The following ANKRD30B variants were observed in gnomAD, a reference collection of about 807,000 sequenced individuals.
ANKRD30B encodes ankyrin repeat domain-containing protein 30B.
Under a neutral mutation model 202.2 loss-of-function variants are expected in ANKRD30B, and 144 were observed. The ratio of observed to expected loss-of-function variants is 0.71; its 90% CI spans 0.62 to 0.82. The LOEUF (loss-of-function observed/expected upper bound fraction) is 0.82. Among genes scored for constraint, ANKRD30B ranks in the 40% least tolerant of loss-of-function variants. The probability of loss-of-function intolerance (pLI) is 0.00; values close to 1 mark genes in which losing one functional copy is unlikely to be tolerated. For missense variants in ANKRD30B, 1,487 were observed against 1,669.1 expected, an observed-to-expected ratio of 0.89 and a Z score of 1.90; for synonymous variants, 508 against 561.3, an observed-to-expected ratio of 0.91 and a Z score of 1.34.
At chr18:14,883,327 C>G in the ANKRD30B span, among the ~76,000 whole-genome samples, 2 of 149,350 alleles carry the variant, frequency 1.3e-5, no homozygotes, top group Non-Finnish European at 3.0e-5. Context: ...GTGTCTCTCT[C>G]TCTCTCTGTC....
intron 1 of ANKRD30B, among the ~76,000 whole-genome samples, chr18:14,750,880 G>A (rs1224241442): frequency 6.6e-6 from 1 of 151,944 alleles, no homozygotes; most frequent in African/African-American, 2.4e-5. Flanking sequence ...GATAACATTT[G>A]CTATTTGAGG....
At chr18:14,897,889 A>G in the ANKRD30B span, among the ~76,000 whole-genome samples, 1 of 152,254 alleles carries the variant, frequency 6.6e-6, no homozygotes, top group East Asian at 1.9e-4. Context: ...TAATCTCTTT[A>G]TTGGCGTTCT....
the ANKRD30B span, among the ~76,000 whole-genome samples, chr18:14,874,840 G>C: frequency 3.3e-5 from 5 of 152,198 alleles, no homozygotes; most frequent in Admixed American, 3.3e-4. Context: ...CAAATGCAGA[G>C]TCCTGAGCCC....
intron 15 of ANKRD30B, among the ~76,000 whole-genome samples, chr18:14,788,620 C>T (rs1359750123): frequency 2.0e-5 from 3 of 152,000 alleles, no homozygotes; most frequent in Non-Finnish European, 4.4e-5. Context: ...GTTCAATTCC[C>T]ACCTATGAGT....
At chr18:14,925,443 C>G in the ANKRD30B span, among the ~76,000 whole-genome samples, 1 of 152,228 alleles carries the variant, frequency 6.6e-6, no homozygotes, top group Non-Finnish European at 1.5e-5. Flanking sequence ...ACATTCGGCT[C>G]TGGGAGAGTG....
rs1427479328 is a variant in ANKRD30B, at chr18:14,796,302, A to G, written c.1855-41A>G. The G allele has an allele frequency of 2.5e-6, 4 of 1,609,810 alleles. No homozygotes were observed. In the Admixed American group the frequency reaches 5.0e-5, roughly 20 times the overall value. On this transcript the variant is annotated intron_variant, in intron 17 of 43. Transcript: ENST00000690538. ...ATACTAACTACATATTTTAGGAAGCATATATTATGTATTAATTTTTGTGTT... is the reference window on the plus strand; with the variant it reads ...ATACTAACTACATATTTTAGGAAGCGTATATTATGTATTAATTTTTGTGTT...
the ANKRD30B span, among the ~76,000 whole-genome samples, chr18:14,879,275 G>A: frequency 2.6e-5 from 4 of 151,928 alleles, no homozygotes; most frequent in Middle Eastern, 3.4e-3. Context: ...CCTGCCCACC[G>A]AGGTTCTCCC....
At chr18:14,750,805 A>G (rs569378384) in intron 1 of ANKRD30B, among the ~76,000 whole-genome samples, 11 of 152,122 alleles carry the variant, frequency 7.2e-5, no homozygotes, top group Non-Finnish European at 1.2e-4. Flanking sequence ...AAGTGAGGGT[A>G]AAATTCAGTT....
In ANKRD30B at chr18:14,848,762, A is replaced by G; in HGVS notation, c.3228A>G (p.Glu1076=). ...TCTTGGATGCACTTCCTTCTTGTGAAAGAGGAAGGGAACTTAAAAAAGATA... is the reference window on the plus strand; with the variant it reads ...TCTTGGATGCACTTCCTTCTTGTGAGAGAGGAAGGGAACTTAAAAAAGATA... The part of the protein sequence containing the change: ...SKILDALPSC[E]RGRELKKDNC... Residue 1076 remains glutamate (E), a synonymous_variant, in exon 40 of 44, where the codon GAA becomes GAG. Coordinates refer to ENST00000690538, the MANE Select transcript of ANKRD30B (RefSeq NM_001367607.2). 1 of 1,569,644 alleles carries G rather than the reference A, an allele frequency of 6.4e-7. No homozygotes were observed. Among genetic ancestry groups the G allele is most frequent in the Non-Finnish European group, 8.6e-7 (1 of 1,156,964 alleles).
At chr18:14,889,361 T>C in the ANKRD30B span, among the ~76,000 whole-genome samples, 34 of 152,164 alleles carry the variant, frequency 2.2e-4, no homozygotes, top group African/African-American at 8.2e-4. Context: ...AGATACAAGG[T>C]TAATTTGTTT....
At chr18:14,843,553 CTGTGTGTGTGTGTGTG>C (rs56044501) in intron 39 of ANKRD30B, among the ~76,000 whole-genome samples, 5 of 145,270 alleles carry the variant, frequency 3.4e-5, no homozygotes, top group African/African-American at 7.6e-5. Flanking sequence ...AGCTTACTTT[CTGTGTGTGTGTGTGTG>C]TGTGTGTGTG....
rs150049248 is a variant in ANKRD30B at position 14,772,941 on chromosome 18, C to T, written c.1329+713C>T. 4.7e-3 allele frequency among the ~76,000 whole-genome samples: 715 copies of T among 152,018 alleles called. 8 individuals carry two copies. The highest frequency in any genetic ancestry group is 0.016 in the African/African-American group (649 of 41,454). On this transcript the variant is annotated intron_variant, in intron 9 of 43. Coordinates refer to ENST00000690538, the MANE Select transcript of ANKRD30B (RefSeq NM_001367607.2). ...AGACCAGTGTGGGCACATAGCGAGACCTTATCACTAATTTTAAAAATAATT... is the reference window on the plus strand; with the variant it reads ...AGACCAGTGTGGGCACATAGCGAGATCTTATCACTAATTTTAAAAATAATT...
At chr18:14,905,482 G>C in the ANKRD30B span, 1 of 152,246 alleles carries the variant, frequency 6.6e-6, no homozygotes, top group Non-Finnish European at 1.5e-5. Context: ...TTTGTCTAAA[G>C]ACAGTAGAAA....
At chr18:14,808,412 C>A (rs1217732519) in intron 24 of ANKRD30B, 139 bp from the exon 25 acceptor site, 3 of 922,580 alleles carry the variant, frequency 3.3e-6, no homozygotes, top group East Asian at 5.3e-5. Context: ...AATACAAAAA[C>A]CCAAAAGACC....
At chr18:14,864,346 C>T in the ANKRD30B span, among the ~76,000 whole-genome samples, 334 of 152,116 alleles carry the variant, frequency 2.2e-3, 4 homozygotes, top group African/African-American at 7.8e-3. Flanking sequence ...AAAAACCAAA[C>T]CAAACCAAAC....
intron 32 of ANKRD30B, among the ~76,000 whole-genome samples, chr18:14,825,699 C>T (rs1045188123): frequency 2.0e-5 from 3 of 152,052 alleles, no homozygotes; most frequent in Non-Finnish European, 4.4e-5. Flanking sequence ...TGTCCGATCC[C>T]CTACAGGTAG....
chr18:14,880,963 T>C, the ANKRD30B span, among the ~76,000 whole-genome samples: 523 of 152,332 alleles, frequency 3.4e-3, 5 homozygotes, highest in African/African-American at 0.011. Flanking sequence ...TGAATTCTTT[T>C]ATCAGTTCTA....
chr18:14,913,846 A>C, the ANKRD30B span, among the ~76,000 whole-genome samples: 2 of 152,170 alleles, frequency 1.3e-5, no homozygotes, highest in Admixed American at 6.5e-5. Flanking sequence ...AAAAGTAAAA[A>C]TTAACATCTA....
Position 14,762,398 on chromosome 18 carries a change from G to C in ANKRD30B, c.821-1288G>C, listed in dbSNP as rs567690360. Among the ~76,000 whole-genome samples the C allele has an allele frequency of 1.9e-3, 285 of 152,286 alleles. 1 individual carries two copies. The highest frequency in any genetic ancestry group is 6.3e-3 in the African/African-American group (263 of 41,560). ...TACAAAACTTAGCCAGGGTGCATCA[G>C]TACCAATAGGAGATTATCTTTCAAA... On this transcript the variant is annotated intron_variant, in intron 6 of 43. Coordinates refer to ENST00000690538, the MANE Select transcript of ANKRD30B (RefSeq NM_001367607.2).
Sources: allele counts gnomAD v4.1 joint callset (sites outside exome capture counted in the v4.1 genomes callset), GRCh38; gene constraint gnomAD v4.1.1; transcripts MANE v1.5; gene names NCBI Gene and HGNC (gene_info 2026-07-23, HGNC 2026-07-21).